CNOT1: variants seen among roughly 807,000 people sequenced by gnomAD.
The protein encoded by CNOT1 is CCR4-NOT transcription complex subunit 1, also known as CCR4-associated factor 1.
In CNOT1, 15 loss-of-function variants were observed where a neutral mutation model predicts 273.8. The ratio of observed to expected loss-of-function variants is 0.05; its 90% confidence interval spans 0.04 to 0.08. The LOEUF is 0.08. Ranked by LOEUF, CNOT1 falls within the 10% of genes least tolerant of loss-of-function variation. The pLI is 1.00. For missense variants in CNOT1, 1,644 were observed against 2,912.2 expected (o/e 0.56, Z 10.02); for synonymous variants, 1,022 against 1,005.5 (o/e 1.02, Z -0.31).
rs573713194 is a variant in CNOT1 at position 58,556,728 on chromosome 16, A to T, written c.2479+119T>A. The T allele has an allele frequency of 1.4e-5, 20 of 1,415,358 alleles. No individual in the cohort carries two copies. In the South Asian group the frequency reaches 2.6e-4, roughly 18 times the overall value. The allele number at this position is 1,415,358 out of a possible 1,614,324, so 87.7% of individuals were successfully genotyped here. A position where few individuals can be genotyped will look rare whatever the true frequency, so the allele number is the denominator to read the frequency against. On this transcript the variant is annotated intron_variant, in intron 19 of 48. Transcript: ENST00000317147. ...AACTTTTAATAATTCAAATTTGTGA[A>T]TTTATTCCCATTGGTCTAGGAGGCA...
At chr16:58,590,323 T>C (rs1029743482) in intron 2 of CNOT1, among the ~76,000 whole-genome samples, 1 of 152,228 alleles carries the variant, frequency 6.6e-6, no homozygotes, top group African/African-American at 2.4e-5. Context: ...TCAAAGCCTA[T>C]GATCTTCCCA....
intron 21 of CNOT1, 85 bp from the exon 22 acceptor site, chr16:58,553,945 G>T: frequency 6.9e-7 from 1 of 1,439,516 alleles, no homozygotes; most frequent in Non-Finnish European, 9.1e-7. Context: ...GCTAATCTAG[G>T]TCATTTTTTT....
chr16:58,607,449 C>T (rs1450590438), intron 1 of CNOT1, among the ~76,000 whole-genome samples: 1 of 151,918 alleles, frequency 6.6e-6, no homozygotes, highest in Non-Finnish European at 1.5e-5. Flanking sequence ...GCTATCTAGG[C>T]TGGGCAAGGT....
At chr16:58,571,382 C>G (rs1954370811) in intron 16 of CNOT1, among the ~76,000 whole-genome samples, 1 of 151,718 alleles carries the variant, frequency 6.6e-6, no homozygotes, top group South Asian at 2.1e-4. Flanking sequence ...ATGGTGAAAC[C>G]CCATCTGTAC....
At chr16:58,606,454 A>G (rs971893990) in intron 1 of CNOT1, among the ~76,000 whole-genome samples, 5 of 152,172 alleles carry the variant, frequency 3.3e-5, no homozygotes, top group Non-Finnish European at 7.3e-5. Context: ...GGCCATTCTC[A>G]GTACTTTTCC....
Position 58,578,728 on chromosome 16 carries a change from T to C in CNOT1, c.1555A>G (p.Ile519Val), listed in dbSNP as rs773355014. Reference protein sequence around the residue: ...IFLGNHPNSAIILHYAWHGQG... With the variant: ...IFLGNHPNSAVILHYAWHGQG... Reference sequence around the variant, plus strand: ...CCATGCCATGCATAGTGCAAAATAATAGCTGAGTTAGGATGGTTTCCAAGG... The same window carrying C: ...CCATGCCATGCATAGTGCAAAATAACAGCTGAGTTAGGATGGTTTCCAAGG... Residue 519 changes from isoleucine to valine, a missense_variant, in exon 13 of 49, where the codon ATT becomes GTT. Coordinates refer to ENST00000317147, the MANE Select transcript of CNOT1 (RefSeq NM_016284.5). 11 of 1,613,998 alleles carry C rather than the reference T, an allele frequency of 6.8e-6. No individual in the cohort carries two copies. Among genetic ancestry groups the C allele is most frequent in the Middle Eastern group, 1.6e-4 (1 of 6,084 alleles).
chr16:58,575,030 T>C lies in CNOT1; in HGVS notation c.1804A>G (p.Thr602Ala), dbSNP rs1478991943. The C allele has an allele frequency of 1.2e-6, 2 of 1,614,072 alleles. No individual in the cohort carries two copies. Among genetic ancestry groups the C allele is most frequent in the Admixed American group, 1.7e-5 (1 of 59,982 alleles). ...REYLKLDKWLTDKIREHGEPF... is the reference protein window; with the variant it reads ...REYLKLDKWLADKIREHGEPF... ...ACCCCATGCTCTCGAATTTTATCTG[T>C]GAGCCACTTATCAAGTTTGAGGTAT... The change falls in exon 15 of 49, where the codon ACA becomes GCA. Residue 602 changes from threonine to alanine, a missense_variant. Physicochemically the swap from Thr to Ala is moderately conservative, Grantham distance 58. Around this residue, in one of 13 missense-constraint regions of CNOT1, gnomAD observed 706 missense variants for 1,021.2 expected, o/e 0.69. Coordinates refer to ENST00000317147, the MANE Select transcript of CNOT1 (RefSeq NM_016284.5).
At chr16:58,626,406 C>CAAAAAA (rs34556623) in intron 1 of CNOT1, among the ~76,000 whole-genome samples, 2 of 60,976 alleles carry the variant, frequency 3.3e-5, no homozygotes, top group African/African-American at 6.6e-5. Context: ...GACTGCGTCT[C>CAAAAAA]AAAAAAAAAA....
At chr16:58,609,509 G>A (rs1350485118) in intron 1 of CNOT1, among the ~76,000 whole-genome samples, 4 of 152,118 alleles carry the variant, frequency 2.6e-5, no homozygotes, top group African/African-American at 9.7e-5. Flanking sequence ...TGTCGCCCAG[G>A]CTGGAGTGCA....
chr16:58,600,933 C>T (rs149503033), intron 1 of CNOT1, among the ~76,000 whole-genome samples: 16 of 152,206 alleles, frequency 1.1e-4, no homozygotes, highest in African/African-American at 3.1e-4. Context: ...ATAGTGAGAT[C>T]CCATCTCTAT....
At chr16:58,548,299 G>A (rs979646572) in intron 25 of CNOT1, among the ~76,000 whole-genome samples, 1 of 152,126 alleles carries the variant, frequency 6.6e-6, no homozygotes, top group Non-Finnish European at 1.5e-5. Context: ...CTAAGGGGGG[G>A]CAGAACTAAC....
intron 17 of CNOT1, 79 bp from the exon 18 acceptor site, chr16:58,558,753 G>A: frequency 2.0e-6 from 3 of 1,533,354 alleles, no homozygotes; most frequent in Admixed American, 4.0e-5. Context: ...TTTAACAACA[G>A]CTCTTCATAA....
At chr16:58,529,490 C>T (rs2039703246) in intron 43 of CNOT1, among the ~76,000 whole-genome samples, 1 of 151,660 alleles carries the variant, frequency 6.6e-6, no homozygotes, top group Non-Finnish European at 1.5e-5. Flanking sequence ...GGAAGAGGAG[C>T]ATCACAAAAA....
chr16:58,531,462 C>T (rs1454133725), intron 42 of CNOT1, among the ~76,000 whole-genome samples: 2 of 152,040 alleles, frequency 1.3e-5, no homozygotes. Context: ...ATAACATAGC[C>T]AGTAGTCCTC....
At chr16:58,599,603 T>A (rs1465267028) in intron 1 of CNOT1, 92 bp from the exon 2 acceptor site, 10 of 480,976 alleles carry the variant, frequency 2.1e-5, no homozygotes, top group Non-Finnish European at 3.3e-5. Context: ...TACAACTAAT[T>A]GATCACAACT....
chr16:58,611,416 G>A (rs571998583), intron 1 of CNOT1, among the ~76,000 whole-genome samples: 79 of 151,892 alleles, frequency 5.2e-4, no homozygotes, highest in Non-Finnish European at 8.8e-4. Flanking sequence ...GCGACAGAGC[G>A]AGACTCCATC....
Position 58,576,503 on chromosome 16 carries a change from G to A in CNOT1, c.1664C>T (p.Ala555Val), listed in dbSNP as rs2041462802. The A allele has an allele frequency of 6.2e-7, 1 of 1,614,128 alleles. No individual in the cohort carries two copies. Among genetic ancestry groups the A allele is most frequent in the East Asian group, 2.2e-5 (1 of 44,880 alleles). Residue 555 changes from alanine to valine, a missense_variant, in exon 14 of 49, where the codon GCC becomes GTC. Coordinates refer to ENST00000317147, the MANE Select transcript of CNOT1 (RefSeq NM_016284.5). ...WYMRGEQYDQAKLSRILDVAQ... is the reference protein window; with the variant it reads ...WYMRGEQYDQVKLSRILDVAQ... ...CACATCAAGTATTCGAGACAATTTG[G>A]CCTGATCATACTGCTCCCCTCTCAT...
chr16:58,566,336 G>C (rs1016007764), intron 16 of CNOT1, among the ~76,000 whole-genome samples: 3 of 152,044 alleles, frequency 2.0e-5, no homozygotes, highest in African/African-American at 7.2e-5. Flanking sequence ...ATTATCATCA[G>C]TATGGACTCA....
chr16:58,537,242 G>A, intron 38 of CNOT1, 22 bp from the exon 39 acceptor site: 3 of 1,555,696 alleles, frequency 1.9e-6, no homozygotes, highest in Non-Finnish European at 2.6e-6. Flanking sequence ...AATAAAGGGT[G>A]AAAATCAGTC....
Sources: allele counts gnomAD v4.1 joint callset (sites outside exome capture counted in the v4.1 genomes callset), GRCh38; gene constraint gnomAD v4.1.1; regional missense constraint gnomAD v4.1.1; transcripts MANE v1.5; gene names NCBI Gene and HGNC (gene_info 2026-07-23, HGNC 2026-07-21).